Variants in SNX29 observed in about 807,000 individuals in gnomAD.
The protein encoded by SNX29 is sorting nexin-29.
Under a neutral mutation model 102.1 loss-of-function variants are expected in SNX29, and 78 were observed. The ratio of observed to expected loss-of-function variants is 0.76; its 90% CI spans 0.64 to 0.92. The LOEUF is 0.92. SNX29 is among the 40% of genes least tolerant of loss of function. The probability of loss-of-function intolerance (pLI) is 0.00; values close to 1 mark genes in which losing one functional copy is unlikely to be tolerated. For synonymous variants in SNX29, 580 were observed against 414.5 expected (o/e 1.40, Z -4.85); for missense variants, 1,280 against 1,061.7 (o/e 1.21, Z -2.86).
chr16:12,531,311 C>T (rs867185741), intron 20 of SNX29, among the ~76,000 whole-genome samples: 7 of 152,136 alleles, frequency 4.6e-5, no homozygotes, highest in African/African-American at 1.7e-4. Context: ...GGGCTGGAGC[C>T]CTGGCAGGTG....
chr16:12,043,531 T>G (rs1014058104), intron 5 of SNX29, among the ~76,000 whole-genome samples: 21 of 151,900 alleles, frequency 1.4e-4, no homozygotes, highest in Non-Finnish European at 2.6e-4. Context: ...ATTTAAAAAA[T>G]TTTTTTGTAG....
intron 14 of SNX29, among the ~76,000 whole-genome samples, chr16:12,244,517 G>C (rs1007584605): frequency 5.3e-5 from 8 of 152,080 alleles, no homozygotes; most frequent in African/African-American, 1.9e-4. Context: ...GCTGTGGCAG[G>C]AGAATTGCTT....
At chr16:12,555,126 G>A (rs996134462) in intron 20 of SNX29, among the ~76,000 whole-genome samples, 3 of 151,632 alleles carry the variant, frequency 2.0e-5, no homozygotes, top group Non-Finnish European at 4.4e-5. Flanking sequence ...GTATCAAAAG[G>A]CTTATTCTCA....
intron 11 of SNX29, among the ~76,000 whole-genome samples, chr16:12,114,462 T>C (rs1362784319): frequency 6.6e-6 from 1 of 152,216 alleles, no homozygotes; most frequent in East Asian, 1.9e-4. Context: ...CATGAAGCCC[T>C]GGCCTCCTCA....
In SNX29 at chr16:12,572,558, C is replaced by T. The variant is rs1217300827; in HGVS notation, c.*3929C>T. 11 of 1,063,824 alleles carry T rather than the reference C, an allele frequency of 1.0e-5. No homozygotes were observed. Among genetic ancestry groups the T allele is most frequent in the Non-Finnish European group, 1.1e-5 (10 of 878,314 alleles). The allele number at this position is 1,063,824 out of a possible 1,614,324, so 65.9% of individuals were successfully genotyped here. On this transcript the variant is annotated 3_prime_UTR_variant, in exon 21 of 21. Coordinates refer to ENST00000566228, the MANE Select transcript of SNX29 (RefSeq NM_032167.5). ...GGGGCTGCGACACCATCTGGCTCCT[C>T]ACAGGGAGGTCCAGCCATGTTCTCT...
chr16:12,541,488 G>C (rs960636017), intron 20 of SNX29, among the ~76,000 whole-genome samples: 5 of 152,134 alleles, frequency 3.3e-5, no homozygotes, highest in African/African-American at 1.2e-4. Flanking sequence ...CTCAGACCCA[G>C]ACCTCTGTGA....
Position 12,569,439 on chromosome 16 carries a change from G to A in SNX29, c.*810G>A, listed in dbSNP as rs1170264990. 1 of 231,002 alleles carries A rather than the reference G, an allele frequency of 4.3e-6. No individual in the cohort carries two copies. 14.3% of individuals were successfully genotyped at this position (231,002 alleles called of 1,614,324 possible). A position where few individuals can be genotyped will look rare whatever the true frequency, so the allele number is the denominator to read the frequency against. Reference sequence around the variant, plus strand: ...GGCGTCATCCAGCGTGTCCAAAGTAGCATTGGCCCTACAGTCATGAGAGAC... The same window carrying A: ...GGCGTCATCCAGCGTGTCCAAAGTAACATTGGCCCTACAGTCATGAGAGAC... On this transcript the variant is annotated 3_prime_UTR_variant, in exon 21 of 21. Coordinates refer to ENST00000566228, the MANE Select transcript of SNX29 (RefSeq NM_032167.5).
chr16:12,273,507 C>T (rs2079154280), intron 14 of SNX29, among the ~76,000 whole-genome samples: 1 of 151,816 alleles, frequency 6.6e-6, no homozygotes, highest in South Asian at 2.1e-4. Flanking sequence ...TACAGGCGCA[C>T]ACCACCATGC....
At chr16:12,018,372 T>C (rs2056912110) in intron 3 of SNX29, among the ~76,000 whole-genome samples, 1 of 151,636 alleles carries the variant, frequency 6.6e-6, no homozygotes. Context: ...GGTCAGGAGT[T>C]TGAGACCACC....
intron 4 of SNX29, among the ~76,000 whole-genome samples, chr16:12,030,222 A>C (rs1363579489): frequency 6.6e-6 from 1 of 152,144 alleles, no homozygotes. Flanking sequence ...GTTTCTATGC[A>C]TACTGTTTGG....
chr16:12,083,862 A>C (rs1253464377), intron 11 of SNX29, among the ~76,000 whole-genome samples: 1 of 152,214 alleles, frequency 6.6e-6, no homozygotes, highest in Non-Finnish European at 1.5e-5. Flanking sequence ...TTCGTGTAAT[A>C]ATCTGTGGAG....
At chr16:12,254,895 G>A (rs896613109) in intron 14 of SNX29, among the ~76,000 whole-genome samples, 1 of 152,210 alleles carries the variant, frequency 6.6e-6, no homozygotes, top group Non-Finnish European at 1.5e-5. Context: ...GAGAGTAGGA[G>A]AGGGGCTGGA....
chr16:12,571,448 A>G lies in SNX29; in HGVS notation c.*2819A>G, dbSNP rs528040383. 9.2e-5 allele frequency: 22 copies of G among 238,578 alleles called. No individual in the cohort carries two copies. Among genetic ancestry groups the G allele is most frequent in the South Asian group, 3.5e-4 (2 of 5,680 alleles). The allele number at this position is 238,578 out of a possible 1,614,324, so 14.8% of individuals were successfully genotyped here. On this transcript the variant is annotated 3_prime_UTR_variant, in exon 21 of 21. Coordinates refer to ENST00000566228, the MANE Select transcript of SNX29 (RefSeq NM_032167.5). ...AAGATTACTCGGAGATTTTCAAACA[A>G]CATCTGAGAACAGAAGCCCCCTCCC...
intron 20 of SNX29, among the ~76,000 whole-genome samples, chr16:12,549,527 T>G (rs112919092): frequency 7.2e-5 from 5 of 69,832 alleles, no homozygotes; most frequent in African/African-American, 6.1e-4. Flanking sequence ...TCATCCTCTA[T>G]CTCAAATAGC....
At chr16:12,550,487 A>G (rs999961031) in intron 20 of SNX29, among the ~76,000 whole-genome samples, 11 of 149,938 alleles carry the variant, frequency 7.3e-5, no homozygotes, top group African/African-American at 2.7e-4. Flanking sequence ...GTGAGCTGAC[A>G]TTGTGTCATT....
intron 15 of SNX29, among the ~76,000 whole-genome samples, chr16:12,310,843 C>T (rs1336417851): frequency 6.6e-6 from 1 of 152,134 alleles, no homozygotes; most frequent in Non-Finnish European, 1.5e-5. Flanking sequence ...CCCAGGGCAT[C>T]CTGGCACATA....
At chr16:12,021,752 C>G (rs886366718) in intron 3 of SNX29, among the ~76,000 whole-genome samples, 2 of 151,852 alleles carry the variant, frequency 1.3e-5, no homozygotes, top group Non-Finnish European at 2.9e-5. Flanking sequence ...AATGGCCGGA[C>G]GTGGTGGCCC....
At chr16:12,514,826 C>G (rs778222458) in intron 19 of SNX29, among the ~76,000 whole-genome samples, 17 of 151,710 alleles carry the variant, frequency 1.1e-4, no homozygotes, top group Non-Finnish European at 2.2e-4. Flanking sequence ...GATTGTGCCA[C>G]TGCACTCTAG....
chr16:12,417,966 A>T (rs775638020), intron 18 of SNX29, among the ~76,000 whole-genome samples: 15 of 152,210 alleles, frequency 9.9e-5, no homozygotes, highest in Admixed American at 2.0e-4. Flanking sequence ...CGCAGCATTG[A>T]GTCTCTGAGC....
Sources: gnomAD v4.1 joint callset for allele counts (sites outside exome capture counted in the v4.1 genomes callset) on GRCh38, gnomAD v4.1.1 for gene constraint, MANE v1.5 for transcripts, NCBI Gene and HGNC (gene_info 2026-07-23, HGNC 2026-07-21) for gene names.